MAP3K9: variants seen among roughly 807,000 people sequenced by gnomAD.
MAP3K9 encodes the protein mitogen-activated protein kinase kinase kinase 9.
A neutral mutation model predicts 95.8 loss-of-function variants in MAP3K9; 46 were observed. The observed-to-expected ratio is 0.48, with a 90% confidence interval of 0.38 to 0.61. The LOEUF (loss-of-function observed/expected upper bound fraction) is 0.61, where lower values mean the gene tolerates loss of function less well. Ranked by LOEUF, MAP3K9 falls within the 20% of genes least tolerant of loss-of-function variation. The pLI, the probability that MAP3K9 is intolerant of heterozygous loss-of-function variation, is 0.00. For missense variants in MAP3K9, 1,296 were observed against 1,474.3 expected (o/e 0.88, Z 1.98); for synonymous variants, 533 against 593.8 (o/e 0.90, Z 1.49).
chr14:70,743,997 C>T (rs1484093372), intron 5 of MAP3K9, among the ~76,000 whole-genome samples: 1 of 151,998 alleles, frequency 6.6e-6, no homozygotes, highest in Non-Finnish European at 1.5e-5. Flanking sequence ...AAATGTGGCA[C>T]ATATATACCA....
intron 2 of MAP3K9, among the ~76,000 whole-genome samples, chr14:70,764,823 G>C (rs1429574821): frequency 6.6e-6 from 1 of 151,766 alleles, no homozygotes; most frequent in Non-Finnish European, 1.5e-5. Flanking sequence ...CAGAGTGAGT[G>C]AGACCTCTCT....
At chr14:70,764,008 A>G (rs2054411144) in intron 2 of MAP3K9, among the ~76,000 whole-genome samples, 2 of 147,372 alleles carry the variant, frequency 1.4e-5, no homozygotes, top group Admixed American at 1.4e-4. Flanking sequence ...ACAAGGTGAA[A>G]CCCCGTCTCT....
At chr14:70,800,598 T>C (rs774320915) in intron 2 of MAP3K9, 69 bp downstream of exon 2, 21 of 1,503,860 alleles carry the variant, frequency 1.4e-5, no homozygotes, top group Non-Finnish European at 1.9e-5. Context: ...AGAAGTCCAC[T>C]CCTACTGACG....
chr14:70,739,798 G>T, intron 7 of MAP3K9: 1 of 1,274,312 alleles, frequency 7.8e-7, no homozygotes, highest in Non-Finnish European at 1.1e-6. Context: ...GATCCCATTA[G>T]TACCCACAAA....
At position 70,732,756 on chromosome 14, in the gene MAP3K9, G is replaced by C. The variant is rs1281919784; in HGVS notation, c.2613C>G (p.Pro871=). ...EMPVSPVEAP[P]LSPCTHNPLV... is the part of the protein sequence containing the mutation. ...GGGGGTTGTGGGTACATGGACTCAG[G>C]GGAGGGGCCTCGACTGGGCTGACTG... The change falls in exon 11 of 12, where the codon CCC becomes CCG. Residue 871 remains proline, a synonymous_variant. Coordinates refer to ENST00000554752, the MANE Select transcript of MAP3K9 (RefSeq NM_001284230.2). 6.2e-7 allele frequency: 1 copy of C among 1,611,920 alleles called. No individual in the cohort carries two copies. The highest frequency in any genetic ancestry group is 8.5e-7 in the Non-Finnish European group (1 of 1,178,438).
At chr14:70,775,342 A>G (rs1035718966) in intron 2 of MAP3K9, among the ~76,000 whole-genome samples, 1 of 152,122 alleles carries the variant, frequency 6.6e-6, no homozygotes, top group Non-Finnish European at 1.5e-5. Flanking sequence ...ACTTTTCCAC[A>G]TCTAGGAAGC....
intron 3 of MAP3K9, among the ~76,000 whole-genome samples, chr14:70,760,141 G>GCA (rs60112409): frequency 0.045 from 6,601 of 147,730 alleles, 182 homozygotes; most frequent in Middle Eastern, 0.079. Context: ...AAATAAACGT[G>GCA]CACACACACA....
chr14:70,808,968 C>A lies in MAP3K9; in HGVS notation c.204G>T (p.Glu68Asp). The change falls in exon 1 of 12, where the codon GAG (glutamate) becomes GAT (aspartate). Residue 68 changes from glutamate to aspartate, a missense_variant. Coordinates refer to ENST00000554752, the MANE Select transcript of MAP3K9 (RefSeq NM_001284230.2). ...CGCCCAGCCGCAGGGTCAGCTCGTC[C>A]TCGCCCGCCGCCTCGTACTCGAACA... is the stretch of plus-strand genomic sequence containing the variant. ...TAVFEYEAAGEDELTLRLGDV... is the reference protein window; with the variant it reads ...TAVFEYEAAGDDELTLRLGDV... The A allele has an allele frequency of 6.4e-7, 1 of 1,572,076 alleles. No individual in the cohort carries two copies. The highest frequency in any genetic ancestry group is 8.6e-7 in the Non-Finnish European group (1 of 1,165,884).
At position 70,734,370 on chromosome 14, in the gene MAP3K9, G is replaced by A; in HGVS notation, c.2026+16C>T. ...GCAGGGAGACAGCCAAGACTCTCAA[G>A]AGGAGCTATGCTTACCCATCTCCAT... On this transcript the variant is annotated intron_variant, in intron 10 of 11. Coordinates refer to ENST00000554752, the MANE Select transcript of MAP3K9 (RefSeq NM_001284230.2). 6.4e-7 allele frequency: 1 copy of A among 1,573,062 alleles called. No individual in the cohort carries two copies. Among genetic ancestry groups the A allele is most frequent in the South Asian group, 1.1e-5 (1 of 90,274 alleles).
chr14:70,744,368 A>C (rs985057857), intron 5 of MAP3K9, among the ~76,000 whole-genome samples: 44 of 152,230 alleles, frequency 2.9e-4, no homozygotes, highest in African/African-American at 9.6e-4. Context: ...AAAATAAAAA[A>C]AAAGATATTT....
At chr14:70,800,258 G>A (rs772472237) in intron 2 of MAP3K9, among the ~76,000 whole-genome samples, 1 of 152,092 alleles carries the variant, frequency 6.6e-6, no homozygotes, top group Admixed American at 6.5e-5. Flanking sequence ...TCAAGTTGAG[G>A]TGTTTAGGTA....
intron 2 of MAP3K9, among the ~76,000 whole-genome samples, chr14:70,771,227 G>A (rs754947847): frequency 5.9e-5 from 9 of 152,154 alleles, no homozygotes; most frequent in Non-Finnish European, 1.2e-4. Context: ...AGTAAAGGTA[G>A]CTGTAGCATT....
intron 2 of MAP3K9, chr14:70,783,135 A>G (rs1038678024): frequency 3.4e-6 from 1 of 296,672 alleles, no homozygotes; most frequent in African/African-American, 2.3e-5. Flanking sequence ...ACATCAAATC[A>G]AGCATCAAAA....
chr14:70,807,265 C>T (rs533083804), intron 1 of MAP3K9, among the ~76,000 whole-genome samples: 5 of 152,252 alleles, frequency 3.3e-5, no homozygotes, highest in Admixed American at 6.5e-5. Flanking sequence ...CCGAGGCGTG[C>T]GGATCACTTG....
chr14:70,760,976 G>A (rs2054365929), intron 3 of MAP3K9, 26 bp downstream of exon 3: 1 of 1,607,736 alleles, frequency 6.2e-7, no homozygotes, highest in Non-Finnish European at 8.5e-7. Context: ...CCTAGGAAAT[G>A]CTGTCCCTGC....
intron 7 of MAP3K9, among the ~76,000 whole-genome samples, chr14:70,739,283 C>A (rs2054031546): frequency 6.6e-6 from 1 of 152,192 alleles, no homozygotes; most frequent in African/African-American, 2.4e-5. Context: ...ATGGGTGCCA[C>A]CATGCCCAGC....
At chr14:70,734,046 T>C (rs2053950440) in intron 10 of MAP3K9, among the ~76,000 whole-genome samples, 1 of 152,204 alleles carries the variant, frequency 6.6e-6, no homozygotes, top group South Asian at 2.1e-4. Context: ...CACTCTACTG[T>C]CTTCCCTGGG....
chr14:70,782,889 T>C (rs928789165), intron 2 of MAP3K9, among the ~76,000 whole-genome samples: 1 of 152,206 alleles, frequency 6.6e-6, no homozygotes, highest in Non-Finnish European at 1.5e-5. Context: ...ATTCTCTAGA[T>C]GTTACACCTC....
chr14:70,786,358 G>A (rs1029386487), intron 2 of MAP3K9, among the ~76,000 whole-genome samples: 10 of 152,050 alleles, frequency 6.6e-5, no homozygotes, highest in East Asian at 3.8e-4. Flanking sequence ...ATCTCTCAGC[G>A]GGGATTCCTA....
Sources: gnomAD v4.1 joint callset for allele counts (sites outside exome capture counted in the v4.1 genomes callset) on GRCh38, gnomAD v4.1.1 for gene constraint, MANE v1.5 for transcripts, NCBI Gene and HGNC (gene_info 2026-07-23, HGNC 2026-07-21) for gene names.